Variants in LOC400499 observed in about 807,000 individuals in gnomAD.
the LOC400499 span, among the ~76,000 whole-genome samples, chr16:11,408,133 C>A: frequency 6.6e-6 from 1 of 152,010 alleles, no homozygotes; most frequent in Non-Finnish European, 1.5e-5. Context: ...CAGGCATGTA[C>A]CACCACACCC....
chr16:11,463,179 A>C, the LOC400499 span, among the ~76,000 whole-genome samples: 1 of 152,224 alleles, frequency 6.6e-6, no homozygotes, highest in African/African-American at 2.4e-5. Context: ...CGGCCCCGCA[A>C]AGAAGATTCT....
At chr16:11,457,009 C>G in the LOC400499 span, 2 of 1,534,120 alleles carry the variant, frequency 1.3e-6, no homozygotes, top group Middle Eastern at 3.3e-4. Context: ...ACGCGGCAAT[C>G]CACCTGCCTC....
chr16:11,450,056 C>A, the LOC400499 span, among the ~76,000 whole-genome samples: 1 of 152,234 alleles, frequency 6.6e-6, no homozygotes, highest in Non-Finnish European at 1.5e-5. Context: ...TGGTGCCACC[C>A]AGCCCTGCCT....
the LOC400499 span, among the ~76,000 whole-genome samples, chr16:11,442,957 C>A: frequency 6.6e-6 from 1 of 152,130 alleles, no homozygotes; most frequent in South Asian, 2.1e-4. Flanking sequence ...TGAAGGGAGC[C>A]CCCAGAAAGG....
the LOC400499 span, chr16:11,446,676 GGAGT>G: frequency 6.5e-7 from 1 of 1,532,768 alleles, no homozygotes; most frequent in African/African-American, 1.4e-5. Context: ...ACGCATGCAG[GGAGT>G]GAGGAGGCAG....
the LOC400499 span, among the ~76,000 whole-genome samples, chr16:11,420,983 C>T: frequency 6.6e-6 from 1 of 152,184 alleles, no homozygotes; most frequent in Admixed American, 6.5e-5. Context: ...CTGGACTTGT[C>T]CTGAGTTTCA....
At chr16:11,463,985 G>A in the LOC400499 span, among the ~76,000 whole-genome samples, 1 of 152,170 alleles carries the variant, frequency 6.6e-6, no homozygotes, top group Admixed American at 6.5e-5. Flanking sequence ...ATATGTGGAT[G>A]TGTGTATATG....
the LOC400499 span, among the ~76,000 whole-genome samples, chr16:11,441,990 C>T: frequency 2.0e-5 from 3 of 152,322 alleles, no homozygotes; most frequent in Non-Finnish European, 4.4e-5. Context: ...ATCATTTATT[C>T]ACTCAACAAT....
the LOC400499 span, among the ~76,000 whole-genome samples, chr16:11,383,034 C>T: frequency 7.9e-3 from 1,195 of 151,010 alleles, 11 homozygotes; most frequent in African/African-American, 0.028. Flanking sequence ...ACAATCATGG[C>T]AGGAGGAGAG....
At chr16:11,474,963 G>T in the LOC400499 span, among the ~76,000 whole-genome samples, 10 of 152,208 alleles carry the variant, frequency 6.6e-5, no homozygotes, top group Non-Finnish European at 1.2e-4. Flanking sequence ...GCCTTCTCTT[G>T]TTCCTAAGCA....
At chr16:11,421,551 G>A in the LOC400499 span, among the ~76,000 whole-genome samples, 5 of 152,074 alleles carry the variant, frequency 3.3e-5, no homozygotes, top group African/African-American at 4.8e-5. Context: ...ATACGCATGC[G>A]CCACCACGCC....
At chr16:11,378,411 C>T in the LOC400499 span, among the ~76,000 whole-genome samples, 2 of 152,020 alleles carry the variant, frequency 1.3e-5, no homozygotes, top group Non-Finnish European at 2.9e-5. Flanking sequence ...TTACAGGCGC[C>T]TGCCACCACG....
the LOC400499 span, among the ~76,000 whole-genome samples, chr16:11,413,641 T>G: frequency 6.6e-6 from 1 of 152,172 alleles, no homozygotes; most frequent in Non-Finnish European, 1.5e-5. Context: ...CTAGGTGACC[T>G]TGGGCAAGTC....
chr16:11,447,923 G>C, the LOC400499 span: 3 of 1,533,112 alleles, frequency 2.0e-6, no homozygotes, highest in Non-Finnish European at 2.6e-6. Context: ...GAGCAGAAGG[G>C]GCGCACATAC....
the LOC400499 span, chr16:11,462,078 C>T: frequency 5.6e-6 from 8 of 1,422,620 alleles, no homozygotes; most frequent in Non-Finnish European, 7.3e-6. Context: ...CCTAACCTGG[C>T]CACAGAGCAG....
chr16:11,520,033 A>C, the LOC400499 span, among the ~76,000 whole-genome samples: 1 of 152,124 alleles, frequency 6.6e-6, no homozygotes, highest in Non-Finnish European at 1.5e-5. Context: ...AGGTACCTAA[A>C]AACAGGCAAG....
chr16:11,395,795 G>A, the LOC400499 span, among the ~76,000 whole-genome samples: 2,487 of 152,152 alleles, frequency 0.016, 36 homozygotes, highest in Non-Finnish European at 0.02. Context: ...TGGAAACGCC[G>A]AGAGAGCACC....
the LOC400499 span, among the ~76,000 whole-genome samples, chr16:11,393,736 C>A: frequency 1.3e-5 from 2 of 152,190 alleles, no homozygotes; most frequent in African/African-American, 4.8e-5. Context: ...TTCCCCACGC[C>A]ATATCCCTGT....
chr16:11,481,861 T>C, the LOC400499 span, among the ~76,000 whole-genome samples: 10 of 151,490 alleles, frequency 6.6e-5, no homozygotes, highest in Admixed American at 1.3e-4. Flanking sequence ...TCTTGAACTC[T>C]TGAGCTCAAG....
Sources: gnomAD v4.1 joint callset for allele counts (sites outside exome capture counted in the v4.1 genomes callset) on GRCh38, gnomAD v4.1.1 for gene constraint, MANE v1.5 for transcripts.